The following ZNF214 variants were observed in gnomAD, a reference collection of about 807,000 sequenced individuals.
The protein encoded by ZNF214 is zinc finger protein 214, also known as BWSCR2-associated zinc finger protein 1.
In ZNF214, 43 loss-of-function variants were observed where a neutral mutation model predicts 53.9. The observed-to-expected ratio is 0.80, with a 90% confidence interval of 0.63 to 1.03. The LOEUF (loss-of-function observed/expected upper bound fraction) is 1.03, where lower values mean the gene tolerates loss of function less well. ZNF214 is among the 50% of genes least tolerant of loss of function. The pLI is 0.00. For missense variants in ZNF214, 724 were observed against 719.1 expected (o/e 1.01, Z -0.08); for synonymous variants, 217 against 229.5 (o/e 0.95, Z 0.49).
chr11:7,006,458 CCTT>C (rs537987607), intron 1 of ZNF214, among the ~76,000 whole-genome samples: 38 of 152,084 alleles, frequency 2.5e-4, no homozygotes, highest in Non-Finnish European at 4.6e-4. Flanking sequence ...AGTTTTGATT[CCTT>C]CTTCTAATAT....
Position 7,017,962 on chromosome 11 carries a change from T to G in ZNF214, c.-21+2111A>C, listed in dbSNP as rs1305251961. 2.0e-5 allele frequency among the ~76,000 whole-genome samples: 3 copies of G among 152,210 alleles called. No individual in the cohort carries two copies. The East Asian group carries it at 5.8e-4, about 29-fold the overall frequency. ...TATATACTGGGAACATTTCCTTCCCTCATGGAGACTATTTGTCATGAGTCA... is the reference window on the plus strand; with the variant it reads ...TATATACTGGGAACATTTCCTTCCCGCATGGAGACTATTTGTCATGAGTCA... On this transcript the variant is annotated intron_variant, in intron 1 of 2. Transcript: ENST00000278314.
intron 1 of ZNF214, among the ~76,000 whole-genome samples, chr11:7,015,300 G>A (rs1012266808): frequency 2.6e-5 from 4 of 152,082 alleles, no homozygotes; most frequent in African/African-American, 4.8e-5. Context: ...GGTTGGGGTC[G>A]GGTGCGGTGG....
chr11:7,014,181 A>G (rs1015556155), intron 1 of ZNF214, among the ~76,000 whole-genome samples: 1 of 152,230 alleles, frequency 6.6e-6, no homozygotes, highest in African/African-American at 2.4e-5. Context: ...TATCTGAGAG[A>G]TCCAAGAAAA....
chr11:7,002,117 C>T (rs915086654), intron 2 of ZNF214, among the ~76,000 whole-genome samples: 23 of 151,976 alleles, frequency 1.5e-4, no homozygotes, highest in African/African-American at 5.5e-4. Flanking sequence ...AAGTCCTTGC[C>T]CTCTCTCGAT....
At chr11:7,010,634 C>T (rs552262134) in intron 1 of ZNF214, among the ~76,000 whole-genome samples, 2,785 of 93,024 alleles carry the variant, frequency 0.03, 48 homozygotes, top group Middle Eastern at 0.062. Flanking sequence ...AACCATCCCC[C>T]ATTAAAAAAA....
At position 7,000,917 on chromosome 11, in the gene ZNF214, A is replaced by C. The variant is rs1177872791; in HGVS notation, c.766T>G (p.Phe256Val). The change falls in exon 3 of 3, where the codon TTC (phenylalanine) becomes GTC (valine). Residue 256 changes from phenylalanine (F) to valine (V), a missense_variant. Coordinates refer to ENST00000278314, the MANE Select transcript of ZNF214 (RefSeq NM_013249.4). Reference sequence around the variant, plus strand: ...CTATACAAGTCTGATCTCTGAGAGAAGCATGCTTTACAGATGGAGCATTGA... The same window carrying C: ...CTATACAAGTCTGATCTCTGAGAGACGCATGCTTTACAGATGGAGCATTGA... ...LCQCSICKAC[F>V]SQRSDLYRHP... The C allele has an allele frequency of 6.2e-7, 1 of 1,613,268 alleles. No homozygotes were observed. The highest frequency in any genetic ancestry group is 8.5e-7 in the Non-Finnish European group (1 of 1,179,582).
rs1304907472 is a variant in ZNF214 at position 6,998,881 on chromosome 11, A to G, written c.*981T>C. 1.3e-5 allele frequency among the ~76,000 whole-genome samples: 2 copies of G among 151,964 alleles called. No individual in the cohort carries two copies. The highest frequency in any genetic ancestry group is 2.4e-5 in the African/African-American group (1 of 41,406). ...ATTACTTCAGCATATTTGTGTATCA[A>G]TAATTAAGACTGTGTATTCCGACTA... On this transcript the variant is annotated 3_prime_UTR_variant, in exon 3 of 3. Coordinates refer to ENST00000278314, the MANE Select transcript of ZNF214 (RefSeq NM_013249.4).
intron 1 of ZNF214, among the ~76,000 whole-genome samples, chr11:7,011,429 C>A (rs1157612272): frequency 6.6e-6 from 1 of 151,954 alleles, no homozygotes; most frequent in Non-Finnish European, 1.5e-5. Context: ...CCATGATAAT[C>A]TCAACTGATG....
At chr11:7,013,692 T>C (rs933730503) in intron 1 of ZNF214, among the ~76,000 whole-genome samples, 2 of 152,140 alleles carry the variant, frequency 1.3e-5, no homozygotes, top group African/African-American at 4.8e-5. Flanking sequence ...TCTCAATCCT[T>C]TGACTCCGCC....
intron 1 of ZNF214, among the ~76,000 whole-genome samples, chr11:7,006,381 C>T (rs1038432984): frequency 2.0e-5 from 3 of 151,950 alleles, no homozygotes; most frequent in South Asian, 2.1e-4. Flanking sequence ...CAGCTCTCTC[C>T]GATTATTAGT....
Position 7,000,996 on chromosome 11 carries a change from A to G in ZNF214, c.687T>C (p.Tyr229=). The G allele has an allele frequency of 3.7e-6, 6 of 1,613,110 alleles. No individual in the cohort carries two copies. Among genetic ancestry groups the G allele is most frequent in the Non-Finnish European group, 5.1e-6 (6 of 1,179,564 alleles). The part of the protein sequence containing the change: ...CGCNKCKGIY[Y]WNSRCVFHKR... ...TGTGGAAAACACACCGTGAGTTCCA[A>G]TAATAAATTCCTTTACATTTATTAC... The change falls in exon 3 of 3, where the codon TAT becomes TAC. Residue 229 remains tyrosine (Y), a synonymous_variant. Coordinates refer to ENST00000278314, the MANE Select transcript of ZNF214 (RefSeq NM_013249.4).
chr11:7,002,094 G>A (rs1328048396), intron 2 of ZNF214, among the ~76,000 whole-genome samples: 1 of 151,914 alleles, frequency 6.6e-6, no homozygotes, highest in Admixed American at 6.6e-5. Context: ...AGTAACACAA[G>A]CAGAGACTTG....
chr11:7,011,841 T>C (rs1251795717), intron 1 of ZNF214, among the ~76,000 whole-genome samples: 1 of 151,982 alleles, frequency 6.6e-6, no homozygotes, highest in Non-Finnish European at 1.5e-5. Context: ...AGCAATCAAC[T>C]ACTAGAAAGT....
At chr11:7,005,723 C>A (rs1310599426) in intron 1 of ZNF214, among the ~76,000 whole-genome samples, 1 of 152,066 alleles carries the variant, frequency 6.6e-6, no homozygotes, top group East Asian at 1.9e-4. Flanking sequence ...AAACCTTTCA[C>A]TAAAAGTTTT....
rs1465441190 is a variant in ZNF214, at chr11:7,000,719, G to A, written c.964C>T (p.Gln322Ter). The change falls in exon 3 of 3, where the codon CAA (glutamine) becomes TAA (stop). Residue 322 changes from glutamine (Q) to a stop codon, truncating the protein, a stop_gained. Transcript: ENST00000278314. LOFTEE classifies it high-confidence loss of function. ...AATTTCTCTTCTGTGTGGACTCTTT[G>A]ATGATTGTGAAGACTAGAGATCTGG... ...FSQISSLHNHQRVHTEEKFYK... is the reference protein window; with the variant it reads ...FSQISSLHNH 1.9e-6 allele frequency: 3 copies of A among 1,610,036 alleles called. No individual in the cohort carries two copies. Among genetic ancestry groups the A allele is most frequent in the Non-Finnish European group, 2.5e-6 (3 of 1,178,970 alleles).
In ZNF214 at chr11:6,999,927, C is replaced by A. The variant is rs200357300; in HGVS notation, c.1756G>T (p.Glu586Ter). ...TTATGATCAAATCCCTTATAATATTCACGGCATTTGTAAGGTTTCTCTCCT... is the reference window on the plus strand; with the variant it reads ...TTATGATCAAATCCCTTATAATATTAACGGCATTTGTAAGGTTTCTCTCCT... ...HAGEKPYKCR[E>*]YYKGFDHNSH... The change falls in exon 3 of 3, where the codon GAA becomes TAA. Residue 586 changes from glutamate to a stop codon, truncating the protein, a stop_gained. Coordinates refer to ENST00000278314, the MANE Select transcript of ZNF214 (RefSeq NM_013249.4). LOFTEE classifies it high-confidence loss of function. 1 of 1,612,676 alleles carries A rather than the reference C, an allele frequency of 6.2e-7. No homozygotes were observed. The highest frequency in any genetic ancestry group is 1.7e-5 in the Admixed American group (1 of 59,798).
Position 6,999,794 on chromosome 11 carries a change from C to T in ZNF214, c.*68G>A. On this transcript the variant is annotated 3_prime_UTR_variant, in exon 3 of 3. Transcript: ENST00000278314. ...TGTGTTATTTATAAGATTTCCTTAACAGCAGGATTTATAGGGTTTAAAGGT... is the reference window on the plus strand; with the variant it reads ...TGTGTTATTTATAAGATTTCCTTAATAGCAGGATTTATAGGGTTTAAAGGT... The T allele has an allele frequency of 1.4e-6, 2 of 1,454,700 alleles. No homozygotes were observed. The highest frequency in any genetic ancestry group is 1.8e-6 in the Non-Finnish European group (2 of 1,092,030). The allele number at this position is 1,454,700 out of a possible 1,614,324, so 90.1% of individuals were successfully genotyped here.
chr11:7,014,375 G>T (rs1049851879), intron 1 of ZNF214, among the ~76,000 whole-genome samples: 1 of 152,114 alleles, frequency 6.6e-6, no homozygotes, highest in Non-Finnish European at 1.5e-5. Context: ...AAACAGATAA[G>T]TTGTTCATAC....
At chr11:7,002,940 A>T (rs1851388584) in intron 1 of ZNF214, 85 bp from the exon 2 acceptor site, 1 of 1,353,124 alleles carries the variant, frequency 7.4e-7, no homozygotes, top group South Asian at 1.7e-5. Context: ...AATAGAAAAA[A>T]CAAGAACTTC....
Sources: gnomAD v4.1 joint callset for allele counts (sites outside exome capture counted in the v4.1 genomes callset) on GRCh38, gnomAD v4.1.1 for gene constraint, MANE v1.5 for transcripts, NCBI Gene and HGNC (gene_info 2026-07-23, HGNC 2026-07-21) for gene names.